Variants in RBM47 observed in about 807,000 individuals in gnomAD.
The protein encoded by RBM47 is RNA-binding protein 47.
A neutral mutation model predicts 47.1 loss-of-function variants in RBM47; 21 were observed. That is an observed-to-expected ratio of 0.45 (90% CI 0.32 to 0.64). The LOEUF is 0.64. RBM47 is among the 30% of genes least tolerant of loss of function. The pLI is 0.05. For missense variants in RBM47, 708 were observed against 870.9 expected (o/e 0.81, Z 2.35); for synonymous variants, 375 against 361.7 (o/e 1.04, Z -0.42).
chr4:40,581,552 T>G (rs753080397), intron 1 of RBM47, among the ~76,000 whole-genome samples: 22 of 151,830 alleles, frequency 1.4e-4, no homozygotes, highest in Non-Finnish European at 2.8e-4. Flanking sequence ...AGAGATGGTT[T>G]GTTTGGTTTC....
intron 2 of RBM47, among the ~76,000 whole-genome samples, chr4:40,472,046 G>A (rs1316546881): frequency 6.6e-6 from 1 of 152,124 alleles, no homozygotes; most frequent in East Asian, 1.9e-4. Flanking sequence ...AAAAACAGTA[G>A]ACTGTTGACA....
rs1435130830 is a variant in RBM47 at position 40,438,693 on chromosome 4, C to T, written c.201G>A (p.Pro67=). ...CCACGAAGACCTCGCAGCCACGCTG[C>T]GGGTGCGGGCCCTCCCAGCCGGGCG... The part of the protein sequence containing the change: ...GPPPGWEGPH[P]QRGCEVFVGK... The change falls in exon 4 of 7, where the codon CCG becomes CCA. Residue 67 remains proline (P), a synonymous_variant. Transcript: ENST00000295971. 1.9e-6 allele frequency: 3 copies of T among 1,611,208 alleles called. No individual in the cohort carries two copies. The highest frequency in any genetic ancestry group is 2.2e-5 in the South Asian group (2 of 90,954).
intron 2 of RBM47, among the ~76,000 whole-genome samples, chr4:40,510,876 A>G (rs571967450): frequency 2.2e-4 from 34 of 152,314 alleles, no homozygotes; most frequent in African/African-American, 7.0e-4. Flanking sequence ...GTTTGAGACC[A>G]GACTGGCCAA....
At chr4:40,526,792 T>C (rs1726757926) in intron 2 of RBM47, among the ~76,000 whole-genome samples, 1 of 46,852 alleles carries the variant, frequency 2.1e-5, no homozygotes, top group South Asian at 4.9e-4. Flanking sequence ...TTTGGTTCTT[T>C]TTTTTTTTTT....
intron 3 of RBM47, among the ~76,000 whole-genome samples, chr4:40,449,611 G>C (rs1715090650): frequency 6.6e-6 from 1 of 152,176 alleles, no homozygotes; most frequent in Admixed American, 6.5e-5. Context: ...CCTCCCGAAA[G>C]GGGTGGAGTG....
intron 2 of RBM47, among the ~76,000 whole-genome samples, chr4:40,467,978 T>A (rs1362177008): frequency 2.0e-5 from 3 of 152,090 alleles, no homozygotes; most frequent in Non-Finnish European, 4.4e-5. Flanking sequence ...CAAAGTTTAC[T>A]CCCATGGAAA....
intron 1 of RBM47, among the ~76,000 whole-genome samples, chr4:40,581,996 G>A (rs897258359): frequency 6.6e-6 from 1 of 151,600 alleles, no homozygotes; most frequent in Non-Finnish European, 1.5e-5. Flanking sequence ...CATCCCCCAG[G>A]TCCCTACACC....
Position 40,426,145 on chromosome 4 carries a change from TGAG to T in RBM47, c.1543-5_1543-3del, listed in dbSNP as rs1218587017. 3 of 1,612,910 alleles carry T rather than the reference TGAG, an allele frequency of 1.9e-6. No homozygotes were observed. Among genetic ancestry groups the T allele is most frequent in the Non-Finnish European group, 2.5e-6 (3 of 1,179,328 alleles). On this transcript the variant is annotated splice_polypyrimidine_tract_variant and splice_region_variant and intron_variant, in intron 6 of 6. Transcript: ENST00000295971. ...GTATACTGGAGTTATTGGGCGGCCC[TGAG>T]GAGAAGAGACAAAAAGGAGCCTTCC...
chr4:40,464,701 C>A (rs1315210755), intron 3 of RBM47, among the ~76,000 whole-genome samples: 1 of 151,282 alleles, frequency 6.6e-6, no homozygotes, highest in Non-Finnish European at 1.5e-5. Flanking sequence ...AGATCGAGAC[C>A]ACGGTGAAAC....
At chr4:40,503,392 G>A (rs895317788) in intron 2 of RBM47, among the ~76,000 whole-genome samples, 1 of 152,174 alleles carries the variant, frequency 6.6e-6, no homozygotes, top group Non-Finnish European at 1.5e-5. Flanking sequence ...GCCTCTAAGG[G>A]AGGACAAGAG....
intron 3 of RBM47, among the ~76,000 whole-genome samples, chr4:40,464,637 C>T (rs1002296257): frequency 5.9e-5 from 9 of 151,818 alleles, no homozygotes; most frequent in Admixed American, 1.3e-4. Context: ...TGGTGGCTCA[C>T]GCCTGTAATA....
chr4:40,571,983 A>C (rs1368727941), intron 1 of RBM47, among the ~76,000 whole-genome samples: 1 of 149,970 alleles, frequency 6.7e-6, no homozygotes, highest in Non-Finnish European at 1.5e-5. Context: ...AGATTGTACC[A>C]CTGTACTCCA....
chr4:40,451,098 G>A (rs1715357003), intron 3 of RBM47, among the ~76,000 whole-genome samples: 1 of 150,438 alleles, frequency 6.6e-6, no homozygotes, highest in South Asian at 2.1e-4. Flanking sequence ...TGTAATCCCA[G>A]CACTTTGTGA....
intron 1 of RBM47, among the ~76,000 whole-genome samples, chr4:40,592,942 T>C (rs1218166007): frequency 1.0e-3 from 6 of 5,876 alleles, no homozygotes; most frequent in African/African-American, 3.4e-3. Flanking sequence ...GGGACATATA[T>C]ATATATATAT....
At chr4:40,592,977 ATATTTTT>A (rs1560493393) in intron 1 of RBM47, among the ~76,000 whole-genome samples, 17 of 13,156 alleles carry the variant, frequency 1.3e-3, no homozygotes, top group Non-Finnish European at 2.1e-3. Context: ...ATATATATAT[ATATTTTT>A]TTTTTTTTTT....
chr4:40,581,392 G>A (rs189323310), intron 1 of RBM47, among the ~76,000 whole-genome samples: 1 of 151,606 alleles, frequency 6.6e-6, no homozygotes, highest in Non-Finnish European at 1.5e-5. Flanking sequence ...ACTGCTTCCA[G>A]CCTGGGTGAC....
intron 2 of RBM47, chr4:40,542,528 T>A (rs1377378003): frequency 1.3e-5 from 2 of 152,166 alleles, no homozygotes; most frequent in East Asian, 3.9e-4. Context: ...TTTTTCGAGA[T>A]AGGGTCTTGC....
chr4:40,537,134 C>T (rs1158572555), intron 2 of RBM47, among the ~76,000 whole-genome samples: 3 of 152,072 alleles, frequency 2.0e-5, no homozygotes, highest in Non-Finnish European at 4.4e-5. Context: ...ATTTTTGAGA[C>T]AGGGTCTCAC....
At chr4:40,437,090 A>AAAAAAATATATATATATATATAT (rs1256296949) in intron 4 of RBM47, among the ~76,000 whole-genome samples, 1 of 49,852 alleles carries the variant, frequency 2.0e-5, no homozygotes, top group African/African-American at 1.1e-4. Flanking sequence ...AAAAAAAAAA[A>AAAAAAATATATATATATATATAT]ATATATATAT....
Sources: allele counts gnomAD v4.1 joint callset (sites outside exome capture counted in the v4.1 genomes callset), GRCh38; gene constraint gnomAD v4.1.1; transcripts MANE v1.5; gene names NCBI Gene and HGNC (gene_info 2026-07-23, HGNC 2026-07-21).